Variants in UBE3D observed in about 807,000 individuals in gnomAD.
The protein encoded by UBE3D is ubiquitin protein ligase E3D, also known as E3 ubiquitin-protein ligase E3D.
Under a neutral mutation model 49.6 loss-of-function variants are expected in UBE3D, and 48 were observed. The observed-to-expected ratio is 0.97, with a 90% CI of 0.77 to 1.23. UBE3D has a LOEUF of 1.23. Ranked by LOEUF, UBE3D falls within the 50% of genes most tolerant of loss-of-function variation. The pLI, the probability that UBE3D is intolerant of heterozygous loss-of-function variation, is 0.00. For synonymous variants in UBE3D, 189 were observed against 174.2 expected, an observed-to-expected ratio of 1.08 and a Z score of -0.67; for missense variants, 452 against 468.4, an observed-to-expected ratio of 0.96 and a Z score of 0.32.
rs879893230 is a variant in UBE3D, at chr6:82,892,650, C to T, written c.*372G>A. 1 of 212,346 alleles carries T rather than the reference C, an allele frequency of 4.7e-6. No individual in the cohort carries two copies. Among genetic ancestry groups the T allele is most frequent in the South Asian group, 7.7e-5 (1 of 12,932 alleles). 13.2% of individuals were successfully genotyped at this position (212,346 alleles called of 1,614,324 possible). A position where few individuals can be genotyped will look rare whatever the true frequency, so the allele number is the denominator to read the frequency against. On this transcript the variant is annotated 3_prime_UTR_variant, in exon 10 of 10. Transcript: ENST00000369747. ...ATTTACAGCAGTTAACATTCAGTTC[C>T]ACCAATAAAATTCCTCACTGGATTC...
At chr6:82,993,555 C>T (rs530974145) in intron 8 of UBE3D, among the ~76,000 whole-genome samples, 1 of 152,192 alleles carries the variant, frequency 6.6e-6, no homozygotes, top group Non-Finnish European at 1.5e-5. Flanking sequence ...AATGCCTACA[C>T]ATCACTTCAT....
intron 3 of UBE3D, among the ~76,000 whole-genome samples, chr6:83,048,263 G>C (rs1783218011): frequency 6.6e-6 from 1 of 151,886 alleles, no homozygotes; most frequent in African/African-American, 2.4e-5. Flanking sequence ...TAAGGGGTAG[G>C]GACTTGGTAC....
At chr6:82,944,797 CT>C (rs1775283220) in intron 9 of UBE3D, among the ~76,000 whole-genome samples, 1 of 152,158 alleles carries the variant, frequency 6.6e-6, no homozygotes, top group African/African-American at 2.4e-5. Context: ...GCCCTTGGGC[CT>C]CATGTGAACA....
At chr6:83,060,426 T>C (rs946591412) in intron 1 of UBE3D, among the ~76,000 whole-genome samples, 3 of 152,182 alleles carry the variant, frequency 2.0e-5, no homozygotes, top group Admixed American at 1.3e-4. Flanking sequence ...GAAGTCATGG[T>C]TTTCAATGTT....
Position 83,065,808 on chromosome 6 carries a change from C to T in UBE3D, c.-90G>A, listed in dbSNP as rs970354097. ...AGGAGAGGTTCCACGTGCGGACCAA[C>T]CAGCGGCAGCCCCGCTGCGGCGCAG... On this transcript the variant is annotated 5_prime_UTR_variant, in exon 1 of 10. Transcript: ENST00000369747. 73 of 1,324,524 alleles carry T rather than the reference C, an allele frequency of 5.5e-5. No individual in the cohort carries two copies. The highest frequency in any genetic ancestry group is 2.3e-4 in the Middle Eastern group (1 of 4,264). 82.0% of individuals were successfully genotyped at this position (1,324,524 alleles called of 1,614,324 possible). A position where few individuals can be genotyped will look rare whatever the true frequency, so the allele number is the denominator to read the frequency against.
rs1340164606 is a variant in UBE3D, at chr6:83,025,451, A to G, written c.668-1413T>C. Among the ~76,000 whole-genome samples the G allele has an allele frequency of 2.0e-5, 3 of 150,882 alleles. No individual in the cohort carries two copies. The South Asian group carries it at 6.2e-4, about 31-fold the overall frequency. On this transcript the variant is annotated intron_variant, in intron 5 of 9. Coordinates refer to ENST00000369747, the MANE Select transcript of UBE3D (RefSeq NM_198920.3). ...TCAAAATAAGATTTTTTTTTTTTGC[A>G]TCAAACAAAATATTTTAAAATGATA...
chr6:82,932,266 A>G (rs1318765082), intron 9 of UBE3D, among the ~76,000 whole-genome samples: 1 of 152,228 alleles, frequency 6.6e-6, no homozygotes, highest in East Asian at 1.9e-4. Flanking sequence ...AGTATCATAT[A>G]GAGTAGTTTC....
At chr6:82,886,250 A>G in the UBE3D span, among the ~76,000 whole-genome samples, 1 of 152,132 alleles carries the variant, frequency 6.6e-6, no homozygotes, top group Non-Finnish European at 1.5e-5. Context: ...CAATTTTTCC[A>G]TGGACCTGTG....
chr6:82,934,239 C>G (rs1276954511), intron 9 of UBE3D, among the ~76,000 whole-genome samples: 5 of 152,168 alleles, frequency 3.3e-5, no homozygotes, highest in Non-Finnish European at 5.9e-5. Flanking sequence ...CTGAGACCTC[C>G]CCAGCCACGT....
chr6:82,917,038 G>A (rs890142546), intron 9 of UBE3D, among the ~76,000 whole-genome samples: 1 of 152,068 alleles, frequency 6.6e-6, no homozygotes, highest in Non-Finnish European at 1.5e-5. Context: ...AAAAGCTAAG[G>A]TTCTGCCTCC....
downstream of UBE3D, among the ~76,000 whole-genome samples, chr6:82,891,355 A>G (rs182895741): frequency 1.3e-5 from 2 of 152,360 alleles, no homozygotes; most frequent in Admixed American, 1.3e-4. Flanking sequence ...TCCCACAAAA[A>G]GAATTATCCA....
At chr6:82,921,398 C>T (rs772530238) in intron 9 of UBE3D, among the ~76,000 whole-genome samples, 3 of 152,190 alleles carry the variant, frequency 2.0e-5, no homozygotes, top group Admixed American at 6.5e-5. Flanking sequence ...CCTGGAAGGT[C>T]TAGACTTGTG....
intron 5 of UBE3D, among the ~76,000 whole-genome samples, chr6:83,033,374 A>G (rs983484878): frequency 1.3e-5 from 2 of 152,102 alleles, no homozygotes; most frequent in African/African-American, 4.8e-5. Flanking sequence ...TAAAGGAGAC[A>G]AACATCAGAA....
intron 5 of UBE3D, among the ~76,000 whole-genome samples, chr6:83,033,718 A>G (rs1782045222): frequency 6.6e-6 from 1 of 152,232 alleles, no homozygotes; most frequent in South Asian, 2.1e-4. Flanking sequence ...TGCTTCCTGT[A>G]TAGGCTGCAG....
At chr6:83,038,144 T>C (rs553290495) in intron 5 of UBE3D, 1 of 243,356 alleles carries the variant, frequency 4.1e-6, no homozygotes, top group Non-Finnish European at 7.7e-6. Context: ...ACAAACTTTA[T>C]ACTATTGCTT....
At chr6:82,941,160 C>T (rs574455041) in intron 9 of UBE3D, among the ~76,000 whole-genome samples, 49 of 151,946 alleles carry the variant, frequency 3.2e-4, no homozygotes, top group Non-Finnish European at 5.0e-4. Context: ...GAGCTGAGAT[C>T]GTGCCACTGG....
At chr6:82,974,343 GA>G (rs1278622462) in intron 8 of UBE3D, among the ~76,000 whole-genome samples, 1 of 152,036 alleles carries the variant, frequency 6.6e-6, no homozygotes, top group Non-Finnish European at 1.5e-5. Flanking sequence ...ATCCATAGGG[GA>G]TTGGTTCCAG....
intron 9 of UBE3D, among the ~76,000 whole-genome samples, chr6:82,913,737 A>G (rs573859078): frequency 1.3e-5 from 2 of 152,336 alleles, no homozygotes; most frequent in South Asian, 2.1e-4. Context: ...GCTGGATCAA[A>G]ACAAAATAAA....
intron 9 of UBE3D, among the ~76,000 whole-genome samples, chr6:82,912,388 T>C (rs1423721937): frequency 3.9e-5 from 6 of 152,180 alleles, no homozygotes; most frequent in African/African-American, 1.4e-4. Flanking sequence ...TAAAACTGTG[T>C]CCTAGTTCTC....
Sources: gnomAD v4.1 joint callset for allele counts (sites outside exome capture counted in the v4.1 genomes callset) on GRCh38, gnomAD v4.1.1 for gene constraint, MANE v1.5 for transcripts, NCBI Gene and HGNC (gene_info 2026-07-23, HGNC 2026-07-21) for gene names.